MTSS1: variants seen among roughly 807,000 people sequenced by gnomAD.
MTSS1 encodes MTSS I-BAR domain containing 1.
Under a neutral mutation model 79.0 loss-of-function variants are expected in MTSS1, and 18 were observed. The ratio of observed to expected loss-of-function variants is 0.23; its 90% confidence interval spans 0.16 to 0.34. MTSS1 has a LOEUF of 0.34. Among genes scored for constraint, MTSS1 ranks in the 10% least tolerant of loss-of-function variants. The pLI is 1.00. For synonymous variants in MTSS1, 341 were observed against 368.6 expected (o/e 0.93, Z 0.86); for missense variants, 815 against 986.2 (o/e 0.83, Z 2.33).
intron 11 of MTSS1, 61 bp downstream of exon 11, chr8:124,557,620 A>G: frequency 6.9e-7 from 1 of 1,449,648 alleles, no homozygotes; most frequent in Non-Finnish European, 9.4e-7. Context: ...GGGGGTTGGA[A>G]CAGAAGAGGG....
intron 3 of MTSS1, among the ~76,000 whole-genome samples, chr8:124,680,659 T>C (rs544782173): frequency 7.1e-4 from 108 of 152,346 alleles, no homozygotes; most frequent in Middle Eastern, 3.4e-3. Context: ...TAGTTATGTC[T>C]TGCAAACAGC....
In MTSS1 at chr8:124,552,035, A is replaced by C. The variant is rs1190139493; in HGVS notation, c.*957T>G. 6.6e-6 allele frequency: 1 copy of C among 152,664 alleles called. No homozygotes were observed. The highest frequency in any genetic ancestry group is 6.5e-5 in the Admixed American group (1 of 15,286). 9.5% of individuals were successfully genotyped at this position (152,664 alleles called of 1,614,324 possible). On this transcript the variant is annotated 3_prime_UTR_variant, in exon 14 of 14. Transcript: ENST00000518547. ...AAAAGGCATTTACTATAATCTAAGAATTCCCTGCTATTATCATTTTTAAAT... is the reference window on the plus strand; with the variant it reads ...AAAAGGCATTTACTATAATCTAAGACTTCCCTGCTATTATCATTTTTAAAT...
At chr8:124,617,146 TG>T (rs1251170142) in intron 3 of MTSS1, among the ~76,000 whole-genome samples, 1 of 152,222 alleles carries the variant, frequency 6.6e-6, no homozygotes, top group Non-Finnish European at 1.5e-5. Context: ...TTCGAGTCCA[TG>T]CCTAATGTTT....
At chr8:124,620,253 C>T (rs1006247112) in intron 3 of MTSS1, among the ~76,000 whole-genome samples, 3 of 152,168 alleles carry the variant, frequency 2.0e-5, no homozygotes, top group African/African-American at 2.4e-5. Context: ...GCCAGCACAA[C>T]TGTTTTTCTA....
intron 1 of MTSS1, 92 bp from the exon 2 acceptor site, chr8:124,704,283 C>T: frequency 9.0e-7 from 1 of 1,104,992 alleles, no homozygotes; most frequent in Non-Finnish European, 1.4e-6. Context: ...ATGCAGGGAA[C>T]AATCTGTGTA....
intron 6 of MTSS1, among the ~76,000 whole-genome samples, chr8:124,581,736 G>A (rs1054297734): frequency 2.6e-5 from 4 of 152,176 alleles, no homozygotes; most frequent in Admixed American, 2.0e-4. Flanking sequence ...TTACAGGCGT[G>A]AGCCACCACG....
At chr8:124,604,804 A>G (rs1353753533) in intron 3 of MTSS1, among the ~76,000 whole-genome samples, 5 of 152,070 alleles carry the variant, frequency 3.3e-5, no homozygotes, top group Non-Finnish European at 4.4e-5. Context: ...CTTCCAGCCA[A>G]TCTCCCACTT....
At position 124,632,219 on chromosome 8, in the gene MTSS1, C is replaced by T. The variant is rs139655211; in HGVS notation, c.209-40984G>A. ...CCTTGAGCTTAGGAGTTCAAGGATT[C>T]AGTGAACTATGACCATAACCACTGC... is the stretch of plus-strand genomic sequence containing the variant. On this transcript the variant is annotated intron_variant, in intron 3 of 13. Transcript: ENST00000518547. Among the ~76,000 whole-genome samples the T allele has an allele frequency of 5.2e-3, 723 of 138,260 alleles. 9 individuals carry two copies. The highest frequency in any genetic ancestry group is 0.019 in the African/African-American group (674 of 35,752). 90.7% of individuals were successfully genotyped at this position (138,260 alleles called of 152,430 possible).
intron 3 of MTSS1, among the ~76,000 whole-genome samples, chr8:124,667,631 C>T (rs932725401): frequency 6.6e-6 from 1 of 151,792 alleles, no homozygotes; most frequent in Non-Finnish European, 1.5e-5. Context: ...GCAACAGAAG[C>T]GAAACTCCGT....
At position 124,597,155 on chromosome 8, in the gene MTSS1, G is replaced by A. The variant is rs143268754; in HGVS notation, c.209-5920C>T. ...CTTGAGCAGCTTACAAAGATTGGTT[G>A]GATGGACACAGATAAAATGGTGCAG... On this transcript the variant is annotated intron_variant, in intron 3 of 13. Transcript: ENST00000518547. The surrounding 1 kb of genome is among the most constrained non-coding windows in gnomAD (Gnocchi z 4.6). 2.0e-5 allele frequency among the ~76,000 whole-genome samples: 3 copies of A among 152,236 alleles called. No individual in the cohort carries two copies. The East Asian group carries it at 5.8e-4, about 29-fold the overall frequency.
chr8:124,589,447 T>G lies in MTSS1; in HGVS notation c.385+173A>C, dbSNP rs1484482081. 2.0e-5 allele frequency among the ~76,000 whole-genome samples: 3 copies of G among 152,204 alleles called. No homozygotes were observed. The East Asian group carries it at 5.8e-4, about 29-fold the overall frequency. On this transcript the variant is annotated intron_variant, in intron 5 of 13. Coordinates refer to ENST00000518547, the MANE Select transcript of MTSS1 (RefSeq NM_014751.6). ...GCACTCAGCCTCACAACGGGATCAC[T>G]TTGTTCTCCTCATCCCCTGACACGG...
chr8:124,586,882 C>T (rs1473894338), intron 5 of MTSS1, among the ~76,000 whole-genome samples: 1 of 152,108 alleles, frequency 6.6e-6, no homozygotes, highest in African/African-American at 2.4e-5. Context: ...GGGAAATATT[C>T]CAAGAAAATC....
chr8:124,568,429 C>T lies in MTSS1; in HGVS notation c.568G>A (p.Glu190Lys). ...EKQAVRKALI[E>K]ERGRFCTFIS... ...AAGGTACAGAATCGGCCACGTTCTT[C>T]AATCAAAGCCTTCCGGACAGCCTGC... Residue 190 changes from glutamate (E) to lysine (K), a missense_variant, in exon 7 of 14, where the codon GAA becomes AAA. Physicochemically the swap from Glu to Lys is moderately conservative, Grantham distance 56. Around this residue, in one of 2 missense-constraint regions of MTSS1, gnomAD observed 225 missense variants for 365.4 expected, o/e 0.62. Transcript: ENST00000518547. The T allele has an allele frequency of 3.7e-6, 6 of 1,614,200 alleles. No homozygotes were observed. The highest frequency in any genetic ancestry group is 5.1e-6 in the Non-Finnish European group (6 of 1,180,030).
intron 3 of MTSS1, among the ~76,000 whole-genome samples, chr8:124,642,888 C>T (rs940078059): frequency 6.6e-6 from 1 of 152,108 alleles, no homozygotes; most frequent in African/African-American, 2.4e-5. Context: ...CCACTGCGCC[C>T]GGCTCTTCTG....
At chr8:124,555,512 C>G (rs1460621728) in intron 13 of MTSS1, among the ~76,000 whole-genome samples, 1 of 152,140 alleles carries the variant, frequency 6.6e-6, no homozygotes, top group African/African-American at 2.4e-5. Flanking sequence ...TCCCAAAGTG[C>G]TGGGATTACA....
intron 1 of MTSS1, among the ~76,000 whole-genome samples, chr8:124,722,640 T>C (rs1833118239): frequency 6.6e-6 from 1 of 152,206 alleles, no homozygotes; most frequent in South Asian, 2.1e-4. Flanking sequence ...TAAGGCCATA[T>C]CAGCAGTGCT....
chr8:124,714,337 G>T (rs3955227), intron 1 of MTSS1, among the ~76,000 whole-genome samples: 4,583 of 152,264 alleles, frequency 0.03, 208 homozygotes, highest in African/African-American at 0.1. Context: ...GGAAAATCGG[G>T]CACAGAAAGA....
intron 3 of MTSS1, among the ~76,000 whole-genome samples, chr8:124,648,504 C>A (rs1055466485): frequency 6.6e-6 from 1 of 152,102 alleles, no homozygotes; most frequent in African/African-American, 2.4e-5. Flanking sequence ...CCCAAAGCAG[C>A]CCATCACAGC....
At chr8:124,628,323 G>A (rs189563636) in intron 3 of MTSS1, among the ~76,000 whole-genome samples, 10 of 152,206 alleles carry the variant, frequency 6.6e-5, no homozygotes, top group East Asian at 1.9e-4. Context: ...CTTATCATCC[G>A]ACTCCCAGAT....
Sources: allele counts gnomAD v4.1 joint callset (sites outside exome capture counted in the v4.1 genomes callset), GRCh38; gene constraint gnomAD v4.1.1; regional missense constraint gnomAD v4.1.1; non-coding constraint Gnocchi (gnomAD v3.1); transcripts MANE v1.5; gene names NCBI Gene and HGNC (gene_info 2026-07-23, HGNC 2026-07-21).